SLC35D2: variants seen among roughly 807,000 people sequenced by gnomAD.
The protein encoded by SLC35D2 is nucleotide sugar transporter SLC35D2.
In SLC35D2, 43 loss-of-function variants were observed where a neutral mutation model predicts 41.8. The ratio of observed to expected loss-of-function variants is 1.03; its 90% CI spans 0.81 to 1.33. The LOEUF (loss-of-function observed/expected upper bound fraction) is 1.33, where lower values mean the gene tolerates loss of function less well. Ranked by LOEUF, SLC35D2 falls within the 40% of genes most tolerant of loss-of-function variation. The pLI, the probability that SLC35D2 is intolerant of heterozygous loss-of-function variation, is 0.00. For missense variants in SLC35D2, 380 were observed against 408.4 expected (o/e 0.93, Z 0.60); for synonymous variants, 150 against 163.9 (o/e 0.92, Z 0.65).
chr9:96,322,902 A>G (rs1828320570), intron 10 of SLC35D2, among the ~76,000 whole-genome samples: 1 of 151,960 alleles, frequency 6.6e-6, no homozygotes, highest in African/African-American at 2.4e-5. Context: ...TACTTTTAGT[A>G]GAGATGGTGT....
At chr9:96,340,392 G>A (rs1252701220) in intron 8 of SLC35D2, among the ~76,000 whole-genome samples, 4 of 151,946 alleles carry the variant, frequency 2.6e-5, no homozygotes, top group Non-Finnish European at 4.4e-5. Flanking sequence ...GCCGAGGCGG[G>A]CAGATCACGA....
At chr9:96,323,628 TAGA>T (rs1392187796) in intron 10 of SLC35D2, among the ~76,000 whole-genome samples, 5 of 152,144 alleles carry the variant, frequency 3.3e-5, no homozygotes, top group Non-Finnish European at 1.5e-5. Context: ...TGCAATAGAT[TAGA>T]AGAAGTAAGA....
rs1829839704 is a variant in SLC35D2 at position 96,352,174 on chromosome 9, T to G, written c.348-65A>C. On this transcript the variant is annotated intron_variant, in intron 4 of 11. Transcript: ENST00000253270. The stretch of plus-strand genomic sequence containing the variant: ...TGGTTGATTGGTTTTATCTTTTACA[T>G]GTTTTACATTTTTAATTAAGCTTAC... 3.8e-6 allele frequency: 4 copies of G among 1,064,826 alleles called. No individual in the cohort carries two copies. In the Admixed American group the frequency reaches 6.4e-5, roughly 17 times the overall value. The allele number at this position is 1,064,826 out of a possible 1,614,324, so 66.0% of individuals were successfully genotyped here. A position where few individuals can be genotyped will look rare whatever the true frequency, so the allele number is the denominator to read the frequency against.
chr9:96,351,937 C>A, intron 5 of SLC35D2, 101 bp downstream of exon 5: 1 of 670,770 alleles, frequency 1.5e-6, no homozygotes. Context: ...ACCATTTGTC[C>A]TTAAATTATT....
chr9:96,351,931 T>C (rs1182473995), intron 5 of SLC35D2, 107 bp downstream of exon 5: 2 of 626,792 alleles, frequency 3.2e-6, no homozygotes, highest in Non-Finnish European at 5.6e-6. Context: ...GAATAAACCA[T>C]TTGTCCTTAA....
chr9:96,325,769 G>A (rs1483901638), intron 9 of SLC35D2, among the ~76,000 whole-genome samples: 2 of 152,178 alleles, frequency 1.3e-5, no homozygotes, highest in African/African-American at 2.4e-5. Context: ...AGGGGTTAGT[G>A]CACCTGCACT....
At chr9:96,316,009 C>A (rs10820329), downstream of SLC35D2, among the ~76,000 whole-genome samples, 81,202 of 152,012 alleles carry the variant, frequency 0.53, 21,908 homozygotes, top group African/African-American at 0.6. Context: ...ATGCAATATG[C>A]AAATATCTTT....
intron 4 of SLC35D2, among the ~76,000 whole-genome samples, chr9:96,356,846 G>A (rs1369643468): frequency 6.6e-6 from 1 of 152,102 alleles, no homozygotes; most frequent in Admixed American, 6.6e-5. Flanking sequence ...CCACACTCCA[G>A]CCTGGGTGAC....
At chr9:96,325,074 T>G (rs1182377019) in intron 9 of SLC35D2, among the ~76,000 whole-genome samples, 1 of 152,200 alleles carries the variant, frequency 6.6e-6, no homozygotes, top group Non-Finnish European at 1.5e-5. Flanking sequence ...TGGATAATGC[T>G]CCTGTAACTG....
intron 1 of SLC35D2, among the ~76,000 whole-genome samples, chr9:96,374,371 T>TAA (rs1318016431): frequency 1.9e-4 from 29 of 151,860 alleles, no homozygotes; most frequent in Admixed American, 6.6e-5. Context: ...CCGTCTCTAC[T>TAA]AAAAATACAA....
At chr9:96,353,745 T>C (rs1361272318) in intron 4 of SLC35D2, among the ~76,000 whole-genome samples, 1 of 152,208 alleles carries the variant, frequency 6.6e-6, no homozygotes. Flanking sequence ...AAATATATAG[T>C]TAAGAACCTT....
chr9:96,323,030 T>C (rs570174413), intron 10 of SLC35D2, among the ~76,000 whole-genome samples: 27 of 151,560 alleles, frequency 1.8e-4, no homozygotes, highest in African/African-American at 5.1e-4. Context: ...TTCTTTTTTT[T>C]TTTTTTTTTC....
chr9:96,333,210 T>C (rs961047374), intron 9 of SLC35D2, among the ~76,000 whole-genome samples: 8 of 151,992 alleles, frequency 5.3e-5, no homozygotes, highest in African/African-American at 1.9e-4. Flanking sequence ...ATTTTCAATT[T>C]CTAAAATGAC....
At chr9:96,357,091 T>C (rs749233991) in intron 4 of SLC35D2, among the ~76,000 whole-genome samples, 1 of 151,926 alleles carries the variant, frequency 6.6e-6, no homozygotes, top group Non-Finnish European at 1.5e-5. Context: ...GGCAGGAGAA[T>C]TGCTTGAACC....
chr9:96,373,383 T>C (rs1364192124), intron 1 of SLC35D2, among the ~76,000 whole-genome samples: 3 of 152,128 alleles, frequency 2.0e-5, no homozygotes, highest in Non-Finnish European at 4.4e-5. Flanking sequence ...ATGTCCTTTT[T>C]TTCTTTAAAA....
At chr9:96,330,341 G>T (rs1355429296) in intron 9 of SLC35D2, among the ~76,000 whole-genome samples, 1 of 152,116 alleles carries the variant, frequency 6.6e-6, no homozygotes. Flanking sequence ...CTAAAATAAA[G>T]CTTCACTGGG....
intron 1 of SLC35D2, among the ~76,000 whole-genome samples, chr9:96,373,681 C>A: frequency 7.7e-6 from 1 of 130,308 alleles, no homozygotes. Context: ...GAGCAAGACT[C>A]TCTCAAAAAA....
Position 96,343,982 on chromosome 9 carries a change from G to A in SLC35D2, c.606C>T (p.Tyr202=), listed in dbSNP as rs774074585. The part of the protein sequence containing the change: ...QKMDPKELGK[Y]GVLFYNACFM... ...AGCAGGCATTGTAGAAAAGTACTCC[G>A]TATTTCCCTAGCTCCTGCAAAAACA... Residue 202 remains tyrosine (Y), a synonymous_variant, in exon 8 of 12, where the codon TAC becomes TAT. Coordinates refer to ENST00000253270, the MANE Select transcript of SLC35D2 (RefSeq NM_007001.3). The A allele has an allele frequency of 1.8e-5, 29 of 1,593,856 alleles. No homozygotes were observed. Among genetic ancestry groups the A allele is most frequent in the South Asian group, 1.4e-4 (12 of 87,604 alleles).
chr9:96,361,934 G>A (rs554240362), intron 3 of SLC35D2, among the ~76,000 whole-genome samples: 1 of 152,220 alleles, frequency 6.6e-6, no homozygotes, highest in Non-Finnish European at 1.5e-5. Context: ...TTTTGTTACG[G>A]CAGCCTCAGC....
Sources: allele counts gnomAD v4.1 joint callset (sites outside exome capture counted in the v4.1 genomes callset), GRCh38; gene constraint gnomAD v4.1.1; transcripts MANE v1.5; gene names NCBI Gene and HGNC (gene_info 2026-07-23, HGNC 2026-07-21).